COL5A3: variants seen among roughly 807,000 people sequenced by gnomAD.
COL5A3 encodes the protein collagen alpha-3(V) chain.
A neutral mutation model predicts 250.0 loss-of-function variants in COL5A3; 172 were observed. The observed-to-expected ratio is 0.69, with a 90% CI of 0.61 to 0.78. The LOEUF is 0.78. Ranked by LOEUF, COL5A3 falls within the 30% of genes least tolerant of loss-of-function variation. The pLI is 0.00. For synonymous variants in COL5A3, 937 were observed against 900.4 expected, an observed-to-expected ratio of 1.04 and a Z score of -0.73; for missense variants, 2,340 against 2,334.4, an observed-to-expected ratio of 1.00 and a Z score of -0.05.
chr19:10,003,440 A>G (rs2087392021), intron 6 of COL5A3, 125 bp downstream of exon 6: 5 of 953,034 alleles, frequency 5.2e-6, no homozygotes, highest in Non-Finnish European at 8.1e-6. Flanking sequence ...AAAAGATCAT[A>G]GATGAGGGAC....
rs889927250 is a variant in COL5A3 at position 9,968,865 on chromosome 19, A to G, written c.4153-137T>C. On this transcript the variant is annotated intron_variant, in intron 57 of 66. Transcript: ENST00000264828. This position sits in a 1 kb window ranked among gnomAD's most constrained non-coding sequence, Gnocchi z 4.1. ...CCAGGGATGAGGTCAAGGGATGGTC[A>G]GAGTAGGCCACCAAGGTGGGATGAT... The G allele has an allele frequency of 3.4e-5, 26 of 766,504 alleles. No homozygotes were observed. The highest frequency in any genetic ancestry group is 5.0e-5 in the Non-Finnish European group (23 of 463,030). 47.5% of individuals were successfully genotyped at this position (766,504 alleles called of 1,614,324 possible). A position where few individuals can be genotyped will look rare whatever the true frequency, so the allele number is the denominator to read the frequency against.
intron 15 of COL5A3, 82 bp downstream of exon 15, chr19:9,995,984 C>A (rs371990528): frequency 1.5e-6 from 2 of 1,323,568 alleles, no homozygotes; most frequent in Non-Finnish European, 1.0e-6. Context: ...CCCTTTGGCA[C>A]TTTCCCCATC....
intron 24 of COL5A3, among the ~76,000 whole-genome samples, chr19:9,990,906 A>C (rs1472220542): frequency 6.6e-6 from 1 of 152,126 alleles, no homozygotes; most frequent in Non-Finnish European, 1.5e-5. Context: ...GTTGAAATAG[A>C]AGCTTCACAG....
chr19:9,967,681 G>A, intron 61 of COL5A3: 1 of 549,038 alleles, frequency 1.8e-6, no homozygotes, highest in Non-Finnish European at 3.1e-6. Context: ...TTACTTGGCA[G>A]AACTGTTTTC....
chr19:9,998,090 C>A lies in COL5A3; in HGVS notation c.1158+12G>T. On this transcript the variant is annotated intron_variant, in intron 9 of 66. Coordinates refer to ENST00000264828, the MANE Select transcript of COL5A3 (RefSeq NM_015719.4). ...GAAGCCTCTCAACCCCCTCACAATCCAGACCCCTCACCTTTTCAATCACTG... is the reference window on the plus strand; with the variant it reads ...GAAGCCTCTCAACCCCCTCACAATCAAGACCCCTCACCTTTTCAATCACTG... 1 of 1,613,984 alleles carries A rather than the reference C, an allele frequency of 6.2e-7. No homozygotes were observed. Among genetic ancestry groups the A allele is most frequent in the Non-Finnish European group, 8.5e-7 (1 of 1,179,974 alleles).
chr19:9,983,594 A>AGG (rs2087047719), intron 31 of COL5A3, among the ~76,000 whole-genome samples: 5 of 76,494 alleles, frequency 6.5e-5, no homozygotes, highest in African/African-American at 2.7e-4. Context: ...GAAAGAAAGA[A>AGG]AGAAAGAGAA....
intron 31 of COL5A3, among the ~76,000 whole-genome samples, chr19:9,984,492 T>C (rs1432148593): frequency 2.0e-5 from 3 of 152,250 alleles, no homozygotes; most frequent in African/African-American, 7.2e-5. Context: ...TAAGTACATT[T>C]GACTATAAGT....
intron 27 of COL5A3, among the ~76,000 whole-genome samples, chr19:9,988,526 C>G (rs374926068): frequency 6.6e-6 from 1 of 151,966 alleles, no homozygotes; most frequent in East Asian, 1.9e-4. Flanking sequence ...TGATTCTGAG[C>G]TTGGGTTAGA....
At chr19:9,967,552 C>G in intron 61 of COL5A3, 152 bp from the exon 62 acceptor site, 1 of 634,340 alleles carries the variant, frequency 1.6e-6, no homozygotes. Context: ...CTCACACACA[C>G]ACATACAGCC....
In COL5A3 at chr19:9,970,639, C is replaced by T. The variant is rs535544122; in HGVS notation, c.3919G>A (p.Gly1307Arg). 16 of 1,451,212 alleles carry T rather than the reference C, an allele frequency of 1.1e-5. No individual in the cohort carries two copies. Among genetic ancestry groups the T allele is most frequent in the Admixed American group, 2.8e-5 (1 of 35,866 alleles). 89.9% of individuals were successfully genotyped at this position (1,451,212 alleles called of 1,614,324 possible). The change falls in exon 54 of 67, where the codon GGG becomes AGG. Residue 1307 changes from glycine to arginine, a missense_variant. Coordinates refer to ENST00000264828, the MANE Select transcript of COL5A3 (RefSeq NM_015719.4). Reference protein sequence around the residue: ...PGASGEPGAPGPPGKRGPSGH... With the variant: ...PGASGEPGAPRPPGKRGPSGH... Reference sequence around the variant, plus strand: ...TCACTTACCCTCTTGCCGGGGGGCCCGGGGGCGCCGGGCTCCCCAGAAGCT... The same window carrying T: ...TCACTTACCCTCTTGCCGGGGGGCCTGGGGGCGCCGGGCTCCCCAGAAGCT...
Position 9,980,632 on chromosome 19 carries a change from A to ATT in COL5A3, c.2604+15_2604+16insAA, listed in dbSNP as rs1471650724. The ATT allele has an allele frequency of 3.7e-6, 6 of 1,612,388 alleles. No homozygotes were observed. In the East Asian group the frequency reaches 1.3e-4, roughly 36 times the overall value. ...CACACACACATTCACACACACACACACACACACACACTCACCTTTTCTCCA... is the reference window on the plus strand; with the variant it reads ...CACACACACATTCACACACACACACATTCACACACACACTCACCTTTTCTCCA... On this transcript the variant is annotated intron_variant, in intron 35 of 66. Transcript: ENST00000264828.
intron 24 of COL5A3, among the ~76,000 whole-genome samples, chr19:9,990,211 T>C (rs919326405): frequency 1.3e-5 from 2 of 151,530 alleles, no homozygotes; most frequent in Non-Finnish European, 2.9e-5. Context: ...CTGGCCAACA[T>C]AGTGAAACCC....
At chr19:9,978,537 C>T (rs768351665) in intron 41 of COL5A3, 37 bp downstream of exon 41, 5 of 1,450,066 alleles carry the variant, frequency 3.4e-6, no homozygotes, top group African/African-American at 1.4e-5. Context: ...GAGTCCCCTC[C>T]ACCCTGCCCC....
chr19:9,971,810 A>G (rs937397060), intron 51 of COL5A3, among the ~76,000 whole-genome samples: 3 of 152,032 alleles, frequency 2.0e-5, no homozygotes, highest in Non-Finnish European at 4.4e-5. Context: ...TCTGCCGTGA[A>G]ATCAACTTTC....
chr19:10,007,620 G>A (rs895609786), intron 1 of COL5A3, among the ~76,000 whole-genome samples: 9 of 152,184 alleles, frequency 5.9e-5, no homozygotes, highest in South Asian at 2.1e-4. Flanking sequence ...GCCTCTTGGC[G>A]GGAGCTGGAT....
At chr19:9,998,434 G>A (rs192193283) in intron 8 of COL5A3, among the ~76,000 whole-genome samples, 1 of 152,300 alleles carries the variant, frequency 6.6e-6, no homozygotes, top group East Asian at 1.9e-4. Flanking sequence ...ATCTAACTAA[G>A]TTGGGAAACT....
intron 35 of COL5A3, among the ~76,000 whole-genome samples, chr19:9,980,284 T>C (rs1422232278): frequency 6.6e-6 from 1 of 152,190 alleles, no homozygotes; most frequent in Non-Finnish European, 1.5e-5. Flanking sequence ...GTTAAGTGAC[T>C]TGCCCAAGGT....
chr19:9,976,381 G>A (rs1419237682), intron 45 of COL5A3, among the ~76,000 whole-genome samples, 177 bp downstream of exon 45: 2 of 147,796 alleles, frequency 1.4e-5, no homozygotes, highest in Middle Eastern at 3.2e-3. Flanking sequence ...GGACAACATG[G>A]TTGGGTTGGG....
chr19:10,008,831 C>T (rs1568436060), intron 1 of COL5A3, among the ~76,000 whole-genome samples: 1 of 151,970 alleles, frequency 6.6e-6, no homozygotes, highest in Admixed American at 6.6e-5. Flanking sequence ...TGGGGGAGTG[C>T]CGTTCTGTGT....
Sources: allele counts gnomAD v4.1 joint callset (sites outside exome capture counted in the v4.1 genomes callset), GRCh38; gene constraint gnomAD v4.1.1; non-coding constraint Gnocchi (gnomAD v3.1); transcripts MANE v1.5; gene names NCBI Gene and HGNC (gene_info 2026-07-23, HGNC 2026-07-21).